The following YPEL1 variants were observed in gnomAD, a reference collection of about 807,000 sequenced individuals.
The protein encoded by YPEL1 is protein yippee-like 1.
In YPEL1, 7 loss-of-function variants were observed where a neutral mutation model predicts 17.3. The ratio of observed to expected loss-of-function variants is 0.40; its 90% CI spans 0.23 to 0.76. YPEL1 has a LOEUF of 0.76. YPEL1 is among the 30% of genes least tolerant of loss of function. The probability of loss-of-function intolerance (pLI) is 0.35; values close to 1 mark genes in which losing one functional copy is unlikely to be tolerated. For synonymous variants in YPEL1, 59 were observed against 59.6 expected, an observed-to-expected ratio of 0.99 and a Z score of 0.05; for missense variants, 91 against 155.5, an observed-to-expected ratio of 0.59 and a Z score of 2.21.
chr22:21,729,930 C>A (rs903835198), intron 1 of YPEL1, among the ~76,000 whole-genome samples: 3 of 151,986 alleles, frequency 2.0e-5, no homozygotes, highest in South Asian at 2.1e-4. Context: ...GGCAGATCAC[C>A]TGAGGTCTGG....
intron 2 of YPEL1, among the ~76,000 whole-genome samples, chr22:21,706,349 A>C (rs1280219569): frequency 6.9e-6 from 1 of 145,770 alleles, no homozygotes; most frequent in Non-Finnish European, 1.5e-5. Context: ...GAATTGCTTG[A>C]ACCGGGACCC....
intron 1 of YPEL1, among the ~76,000 whole-genome samples, chr22:21,716,971 T>G (rs183997323): frequency 1.9e-3 from 284 of 152,260 alleles, no homozygotes; most frequent in African/African-American, 6.6e-3. Context: ...GTAGACATTC[T>G]AGAAATAAAC....
At chr22:21,716,809 A>G (rs1265724335) in intron 1 of YPEL1, among the ~76,000 whole-genome samples, 1 of 152,280 alleles carries the variant, frequency 6.6e-6, no homozygotes, top group East Asian at 1.9e-4. Flanking sequence ...GGCCAGCAGC[A>G]GGACCAGATC....
chr22:21,730,634 C>T (rs1601644817), intron 1 of YPEL1, among the ~76,000 whole-genome samples: 1 of 152,242 alleles, frequency 6.6e-6, no homozygotes, highest in Non-Finnish European at 1.5e-5. Context: ...TTTGGCAATT[C>T]CAGCTTCCAT....
intron 1 of YPEL1, among the ~76,000 whole-genome samples, chr22:21,719,695 G>C (rs954857108): frequency 4.6e-5 from 7 of 151,866 alleles, no homozygotes; most frequent in African/African-American, 1.7e-4. Context: ...GACCAGTCTG[G>C]ACAACATGGC....
In YPEL1 at chr22:21,698,705, A is replaced by G. The variant is rs1181657299; in HGVS notation, c.*2424T>C. 3.3e-5 allele frequency: 5 copies of G among 152,406 alleles called. No individual in the cohort carries two copies. Among genetic ancestry groups the G allele is most frequent in the African/African-American group, 1.2e-4 (5 of 41,456 alleles). The allele number at this position is 152,406 out of a possible 1,614,324, so 9.4% of individuals were successfully genotyped here. A position where few individuals can be genotyped will look rare whatever the true frequency, so the allele number is the denominator to read the frequency against. ...AGTCTCAAGACAATTGACTGAAGCCACAGGCATTGCTAACTTCATGGGCCA... is the reference window on the plus strand; with the variant it reads ...AGTCTCAAGACAATTGACTGAAGCCGCAGGCATTGCTAACTTCATGGGCCA... On this transcript the variant is annotated 3_prime_UTR_variant, in exon 5 of 5. Transcript: ENST00000339468.
intron 1 of YPEL1, among the ~76,000 whole-genome samples, chr22:21,724,511 T>C (rs1222933063): frequency 6.6e-6 from 1 of 151,932 alleles, no homozygotes; most frequent in Non-Finnish European, 1.5e-5. Flanking sequence ...CACTCCAGCA[T>C]GGGTAACAAA....
intron 1 of YPEL1, among the ~76,000 whole-genome samples, chr22:21,720,527 G>A (rs2068271064): frequency 6.6e-6 from 1 of 151,604 alleles, no homozygotes; most frequent in Admixed American, 6.6e-5. Context: ...GTCTCACTCT[G>A]TCACCCAGGC....
intron 1 of YPEL1, among the ~76,000 whole-genome samples, chr22:21,718,128 C>CAAAAAAAAAAAAAAA (rs55677107): frequency 7.7e-6 from 1 of 130,472 alleles, no homozygotes; most frequent in Non-Finnish European, 1.6e-5. Context: ...GACTCTGTCT[C>CAAAAAAAAAAAAAAA]AAAAAAAAAA....
rs892379625 is a variant in YPEL1 at position 21,734,054 on chromosome 22, C to CA, written c.-165+1560dup. Among the ~76,000 whole-genome samples the CA allele has an allele frequency of 1.8e-4, 27 of 151,058 alleles. No homozygotes were observed. The South Asian group carries it at 2.3e-3, about 13-fold the overall frequency. ...ACATTAAGTGAGACCCCAGTCTCTA[C>CA]AAAAAAAAATGTAAAGTTAACCAGT... On this transcript the variant is annotated intron_variant, in intron 1 of 4. Coordinates refer to ENST00000339468, the MANE Select transcript of YPEL1 (RefSeq NM_013313.5).
At chr22:21,726,093 C>A (rs112558866) in intron 1 of YPEL1, among the ~76,000 whole-genome samples, 1 of 152,178 alleles carries the variant, frequency 6.6e-6, no homozygotes, top group African/African-American at 2.4e-5. Flanking sequence ...GGAGTCTCTG[C>A]GGGCAGGGGC....
chr22:21,725,441 G>A (rs1174578606), intron 1 of YPEL1, among the ~76,000 whole-genome samples: 1 of 151,404 alleles, frequency 6.6e-6, no homozygotes, highest in Non-Finnish European at 1.5e-5. Context: ...ATCTTGCCTC[G>A]GCTGGTCTCG....
chr22:21,712,367 TAAA>T (rs34536579), intron 1 of YPEL1, among the ~76,000 whole-genome samples: 30 of 130,584 alleles, frequency 2.3e-4, no homozygotes, highest in African/African-American at 7.3e-4. Context: ...TTGGAATATG[TAAA>T]AAAAAAAAAA....
At chr22:21,701,935 C>G (rs1019216257) in intron 4 of YPEL1, among the ~76,000 whole-genome samples, 7 of 152,144 alleles carry the variant, frequency 4.6e-5, no homozygotes, top group Admixed American at 3.3e-4. Flanking sequence ...CCTGTAGTCC[C>G]AGGTACTTGG....
At position 21,726,164 on chromosome 22, in the gene YPEL1, G is replaced by A. The variant is rs1047858726; in HGVS notation, c.-165+9451C>T. ...AGACCCACATGTCCCCAGGGTCTAG[G>A]ACCATGGTCCCCAAAGAGCAGTGCA... On this transcript the variant is annotated intron_variant, in intron 1 of 4. Coordinates refer to ENST00000339468, the MANE Select transcript of YPEL1 (RefSeq NM_013313.5). Among the ~76,000 whole-genome samples, 7 of 152,250 alleles carry A rather than the reference G, an allele frequency of 4.6e-5. No individual in the cohort carries two copies. The East Asian group carries it at 1.4e-3, about 29-fold the overall frequency.
intron 2 of YPEL1, among the ~76,000 whole-genome samples, chr22:21,710,186 A>C (rs710170): frequency 0.98 from 149,293 of 152,268 alleles, 73,284 homozygotes; most frequent in African/African-American, 1. Flanking sequence ...CTCCTACACA[A>C]CCGACAAACG....
intron 1 of YPEL1, among the ~76,000 whole-genome samples, chr22:21,714,841 C>T (rs1236554474): frequency 6.6e-6 from 1 of 152,250 alleles, no homozygotes; most frequent in Non-Finnish European, 1.5e-5. Context: ...TTGCTTCAAC[C>T]TGACCATACA....
At chr22:21,717,034 T>C (rs1403944710) in intron 1 of YPEL1, among the ~76,000 whole-genome samples, 2 of 150,620 alleles carry the variant, frequency 1.3e-5, no homozygotes, top group African/African-American at 4.9e-5. Context: ...AGAGAATACC[T>C]ACACTGAAGA....
chr22:21,710,980 A>T, intron 1 of YPEL1, 72 bp from the exon 2 acceptor site: 2 of 490,618 alleles, frequency 4.1e-6, no homozygotes, highest in Non-Finnish European at 7.4e-6. Context: ...TATGGGATTC[A>T]TGTGTTGTGA....
Sources: gnomAD v4.1 joint callset for allele counts (sites outside exome capture counted in the v4.1 genomes callset) on GRCh38, gnomAD v4.1.1 for gene constraint, MANE v1.5 for transcripts, NCBI Gene and HGNC (gene_info 2026-07-23, HGNC 2026-07-21) for gene names.